The following DIP2C variants were observed in gnomAD, a reference collection of about 807,000 sequenced individuals.
The protein encoded by DIP2C is disco-interacting protein 2 homolog C.
A neutral mutation model predicts 192.4 loss-of-function variants in DIP2C; 33 were observed. The observed-to-expected ratio is 0.17, with a 90% CI of 0.13 to 0.23. The LOEUF is 0.23. Ranked by LOEUF, DIP2C falls within the 10% of genes least tolerant of loss-of-function variation. The probability of loss-of-function intolerance (pLI) is 1.00; values close to 1 mark genes in which losing one functional copy is unlikely to be tolerated. For missense variants in DIP2C, 1,537 were observed against 2,110.1 expected (o/e 0.73, Z 5.32); for synonymous variants, 979 against 864.1 (o/e 1.13, Z -2.33).
At chr10:432,771 A>G (rs1444549333) in intron 4 of DIP2C, among the ~76,000 whole-genome samples, 3 of 152,152 alleles carry the variant, frequency 2.0e-5, no homozygotes, top group Non-Finnish European at 4.4e-5. Context: ...TTTTTAACAT[A>G]TGCATTTAAA....
At chr10:441,294 T>C (rs911136610) in intron 3 of DIP2C, 2 of 317,436 alleles carry the variant, frequency 6.3e-6, no homozygotes, top group African/African-American at 4.3e-5. Flanking sequence ...TGGAGATCTC[T>C]TTGTAGGTCA....
intron 36 of DIP2C, 112 bp from the exon 37 acceptor site, chr10:277,689 A>G (rs930224948): frequency 1.5e-5 from 21 of 1,429,870 alleles, no homozygotes; most frequent in Non-Finnish European, 1.7e-5. Context: ...ACTGCCCGAC[A>G]GTCTCCTCCG....
chr10:431,254 C>T (rs991195930), intron 4 of DIP2C, among the ~76,000 whole-genome samples: 1 of 152,036 alleles, frequency 6.6e-6, no homozygotes. Flanking sequence ...AAAACTCGTT[C>T]GGATGTTGGT....
Position 370,036 on chromosome 10 carries a change from T to A in DIP2C, c.1992-403A>T, listed in dbSNP as rs375049080. The A allele has an allele frequency of 4.5e-5, 44 of 985,422 alleles. No individual in the cohort carries two copies. The African/African-American group carries it at 5.4e-4, about 12-fold the overall frequency. 61.0% of individuals were successfully genotyped at this position (985,422 alleles called of 1,614,324 possible). ...AGTTTTGCAAATGTCTGGAGGGTGG[T>A]GCATCCACTCCAAGAATGCAGACAA... On this transcript the variant is annotated intron_variant, in intron 17 of 36. Coordinates refer to ENST00000280886, the MANE Select transcript of DIP2C (RefSeq NM_014974.3).
At chr10:310,513 A>G (rs1370679124) in intron 31 of DIP2C, among the ~76,000 whole-genome samples, 1 of 152,332 alleles carries the variant, frequency 6.6e-6, no homozygotes, top group East Asian at 1.9e-4. Flanking sequence ...AGTGAAGCAG[A>G]TGTGTGATAT....
Position 288,425 on chromosome 10 carries a change from C to A in DIP2C, c.3987-4G>T. The A allele has an allele frequency of 6.2e-7, 1 of 1,613,854 alleles. No homozygotes were observed. The highest frequency in any genetic ancestry group is 8.5e-7 in the Non-Finnish European group (1 of 1,179,854). Reference sequence around the variant, plus strand: ...TCCTCTTTCCACTAAGCGGACTCTGCAAACAGAAAGAGAAAATATTCCTAG... The same window carrying A: ...TCCTCTTTCCACTAAGCGGACTCTGAAAACAGAAAGAGAAAATATTCCTAG... On this transcript the variant is annotated splice_polypyrimidine_tract_variant and splice_region_variant and intron_variant, in intron 32 of 36. Transcript: ENST00000280886.
At chr10:549,514 C>T (rs1848479992) in intron 1 of DIP2C, among the ~76,000 whole-genome samples, 1 of 152,154 alleles carries the variant, frequency 6.6e-6, no homozygotes, top group African/African-American at 2.4e-5. Flanking sequence ...GCAGAAGTGA[C>T]CCATACAGCC....
intron 29 of DIP2C, among the ~76,000 whole-genome samples, chr10:333,888 T>C (rs894267981): frequency 6.6e-6 from 1 of 152,248 alleles, no homozygotes; most frequent in Non-Finnish European, 1.5e-5. Context: ...TTAATTTGCA[T>C]TTCCCTAATT....
At chr10:328,781 A>G (rs1031228034) in intron 30 of DIP2C, among the ~76,000 whole-genome samples, 2 of 152,222 alleles carry the variant, frequency 1.3e-5, no homozygotes, top group Admixed American at 1.3e-4. Context: ...AGACATACAC[A>G]CATCCAAAGA....
chr10:604,707 T>C (rs1294926128), intron 1 of DIP2C, among the ~76,000 whole-genome samples: 3 of 152,254 alleles, frequency 2.0e-5, no homozygotes, highest in East Asian at 1.9e-4. Flanking sequence ...TAAAAGACAT[T>C]TGTCAATCTA....
Position 356,305 on chromosome 10 carries a change from A to G in DIP2C, c.2985+121T>C, listed in dbSNP as rs772728711. 2.2e-5 allele frequency: 26 copies of G among 1,178,150 alleles called. No homozygotes were observed. The South Asian group carries it at 3.2e-4, about 14-fold the overall frequency. 73.0% of individuals were successfully genotyped at this position (1,178,150 alleles called of 1,614,324 possible). ...AAAGTCTCAGTCAAAATAGCAAAAC[A>G]TAAAAAGAATTCCCATAAGACTGAA... On this transcript the variant is annotated intron_variant, in intron 24 of 36. Coordinates refer to ENST00000280886, the MANE Select transcript of DIP2C (RefSeq NM_014974.3).
chr10:506,619 A>G (rs1260166068), intron 1 of DIP2C, among the ~76,000 whole-genome samples: 2 of 152,182 alleles, frequency 1.3e-5, no homozygotes, highest in African/African-American at 4.8e-5. Context: ...AGCAACACGC[A>G]TGCCTACACC....
At chr10:605,208 G>A (rs777042449) in intron 1 of DIP2C, among the ~76,000 whole-genome samples, 3 of 152,208 alleles carry the variant, frequency 2.0e-5, no homozygotes, top group Non-Finnish European at 4.4e-5. Context: ...GAACCTTCTA[G>A]ATGAAAGCAA....
chr10:660,836 T>C (rs889329157), intron 1 of DIP2C, among the ~76,000 whole-genome samples: 4 of 152,160 alleles, frequency 2.6e-5, no homozygotes, highest in African/African-American at 9.7e-5. Context: ...ACATAACCCA[T>C]GAAGCGTGGC....
At chr10:329,647 G>A (rs1957416166) in intron 29 of DIP2C, 46 bp from the exon 30 acceptor site, 1 of 1,471,980 alleles carries the variant, frequency 6.8e-7, no homozygotes, top group East Asian at 2.4e-5. Context: ...CAGCAAGGCT[G>A]GAGCTCAGCA....
chr10:646,588 T>A (rs538197625), intron 1 of DIP2C, among the ~76,000 whole-genome samples: 1 of 152,392 alleles, frequency 6.6e-6, no homozygotes. Context: ...TTTACTTTGC[T>A]GTTAAATTAA....
intron 1 of DIP2C, among the ~76,000 whole-genome samples, chr10:519,684 A>C (rs1240346510): frequency 6.6e-6 from 1 of 152,234 alleles, no homozygotes; most frequent in East Asian, 1.9e-4. Context: ...ACCGCACAGA[A>C]ACCTGACCCT....
Position 288,462 on chromosome 10 carries a change from G to A in DIP2C, c.3987-41C>T. 3.7e-6 allele frequency: 6 copies of A among 1,606,922 alleles called. No individual in the cohort carries two copies. In the South Asian group the frequency reaches 5.5e-5, roughly 15 times the overall value. On this transcript the variant is annotated intron_variant, in intron 32 of 36. Transcript: ENST00000280886. ...GAAAATATTCCTAGATGTGTTTGCT[G>A]TCCAGTTTTCCCCTTCACCAATTCA... is the stretch of plus-strand genomic sequence containing the variant.
intron 1 of DIP2C, among the ~76,000 whole-genome samples, chr10:580,094 C>A (rs1850510358): frequency 6.6e-6 from 1 of 152,104 alleles, no homozygotes; most frequent in Non-Finnish European, 1.5e-5. Flanking sequence ...TACACATGCA[C>A]ATTTGTATGT....
Sources: allele counts gnomAD v4.1 joint callset (sites outside exome capture counted in the v4.1 genomes callset), GRCh38; gene constraint gnomAD v4.1.1; transcripts MANE v1.5; gene names NCBI Gene and HGNC (gene_info 2026-07-23, HGNC 2026-07-21).